Variants in ACOT11 observed in about 807,000 individuals in gnomAD.
ACOT11 encodes acyl-coenzyme A thioesterase 11.
A neutral mutation model predicts 77.5 loss-of-function variants in ACOT11; 69 were observed. That is an observed-to-expected ratio of 0.89 (90% confidence interval 0.73 to 1.09). ACOT11 has a LOEUF of 1.09. ACOT11 is among the 50% of genes least tolerant of loss of function. The pLI is 0.00. For missense variants in ACOT11, 766 were observed against 813.7 expected (o/e 0.94, Z 0.71); for synonymous variants, 279 against 313.0 (o/e 0.89, Z 1.15).
downstream of ACOT11, chr1:54,610,348 G>A (rs2101013097): frequency 1.9e-6 from 3 of 1,581,710 alleles, no homozygotes; most frequent in Non-Finnish European, 2.6e-6. Flanking sequence ...GGCGGTACCT[G>A]CCCCAAGCAA....
intron 15 of ACOT11, among the ~76,000 whole-genome samples, chr1:54,623,767 G>A (rs1025448444): frequency 3.9e-5 from 6 of 152,204 alleles, no homozygotes; most frequent in African/African-American, 1.4e-4. Context: ...CTTTTCTGGA[G>A]TCCTGGAGCA....
Position 54,629,087 on chromosome 1 carries a change from A to G in ACOT11, c.1630-1647A>G, listed in dbSNP as rs1326886241. Among the ~76,000 whole-genome samples, 4 of 128,480 alleles carry G rather than the reference A, an allele frequency of 3.1e-5. 1 individual carries two copies. The highest frequency in any genetic ancestry group is 7.0e-5 in the Non-Finnish European group (4 of 57,280). The allele number at this position is 128,480 out of a possible 152,430, so 84.3% of individuals were successfully genotyped here. On this transcript the variant is annotated intron_variant, in intron 15 of 16. Coordinates refer to the ACOT11 transcript ENST00000371316. Reference sequence around the variant, plus strand: ...AAAAAAAAAAAAAAAAAGAAGAAGAACACAGCTTTAATCCAGGCCTCAAGG... The same window carrying G: ...AAAAAAAAAAAAAAAAAGAAGAAGAGCACAGCTTTAATCCAGGCCTCAAGG...
chr1:54,582,921 C>T (rs1654362815), intron 1 of ACOT11, among the ~76,000 whole-genome samples: 2 of 152,074 alleles, frequency 1.3e-5, no homozygotes, highest in African/African-American at 4.8e-5. Context: ...AATTTCTTCC[C>T]AATACCCCTG....
intron 1 of ACOT11, among the ~76,000 whole-genome samples, chr1:54,557,391 CAAAAA>C (rs71045195): frequency 1.0e-5 from 1 of 98,252 alleles, no homozygotes; most frequent in Non-Finnish European, 2.1e-5. Context: ...GATTCCATCT[CAAAAA>C]AAAAAAAAAA....
intron 15 of ACOT11, among the ~76,000 whole-genome samples, chr1:54,625,477 C>G (rs12049215): frequency 6.6e-6 from 1 of 152,276 alleles, no homozygotes; most frequent in East Asian, 1.9e-4. Context: ...TCACCCAGAT[C>G]CCTTCTGTAA....
chr1:54,626,726 T>C (rs1644274831), intron 15 of ACOT11, among the ~76,000 whole-genome samples: 1 of 135,546 alleles, frequency 7.4e-6, no homozygotes, highest in East Asian at 2.3e-4. Flanking sequence ...GCTGGACAAA[T>C]CTATTTTTGA....
At chr1:54,561,519 G>A (rs1350292098) in intron 1 of ACOT11, among the ~76,000 whole-genome samples, 7 of 110,646 alleles carry the variant, frequency 6.3e-5, no homozygotes, top group African/African-American at 2.1e-4. Flanking sequence ...CACAGACACG[G>A]CAACCATCCG....
chr1:54,619,913 G>C (rs1644212839), intron 15 of ACOT11: 3 of 1,614,068 alleles, frequency 1.9e-6, no homozygotes, highest in Non-Finnish European at 2.5e-6. Context: ...CGTGGTACCA[G>C]GTGACCTCCA....
At chr1:54,550,940 G>T (rs999053356) in intron 1 of ACOT11, among the ~76,000 whole-genome samples, 7 of 151,662 alleles carry the variant, frequency 4.6e-5, no homozygotes, top group Admixed American at 3.3e-4. Flanking sequence ...AGGAGTTCGA[G>T]ACCAGCTCGG....
At chr1:54,619,552 CTTGAGGCTT>C (rs562966588) in intron 15 of ACOT11, among the ~76,000 whole-genome samples, 103 of 152,282 alleles carry the variant, frequency 6.8e-4, no homozygotes, top group Non-Finnish European at 1.2e-3. Context: ...TTTCTGGCTT[CTTGAGGCTT>C]TGAAGGTAAA....
At chr1:54,562,229 C>A (rs761287253) in intron 1 of ACOT11, among the ~76,000 whole-genome samples, 987 of 96,658 alleles carry the variant, frequency 0.01, 3 homozygotes, top group South Asian at 0.027. Context: ...CTGACCCCCC[C>A]ACCTCCCTCC....
chr1:54,564,061 A>G (rs901520803), intron 1 of ACOT11, among the ~76,000 whole-genome samples: 29 of 143,680 alleles, frequency 2.0e-4, no homozygotes, highest in African/African-American at 7.2e-4. Context: ...ATGAAACTCC[A>G]TCTCAAAAAA....
intron 15 of ACOT11, among the ~76,000 whole-genome samples, chr1:54,615,573 G>A (rs1354616951): frequency 6.6e-6 from 1 of 152,028 alleles, no homozygotes; most frequent in East Asian, 1.9e-4. Flanking sequence ...ATGGGGGCAG[G>A]GTTAGGGGTT....
At chr1:54,577,024 C>A (rs747774418) in intron 1 of ACOT11, among the ~76,000 whole-genome samples, 2 of 152,118 alleles carry the variant, frequency 1.3e-5, no homozygotes, top group Admixed American at 6.5e-5. Context: ...CTGCTTTCAC[C>A]ATATCTTCCC....
chr1:54,590,969 G>T (rs1654692510), intron 3 of ACOT11, among the ~76,000 whole-genome samples: 1 of 152,086 alleles, frequency 6.6e-6, no homozygotes. Flanking sequence ...TGTTGGCCAG[G>T]CTGGTCTCGA....
At chr1:54,564,690 G>A (rs1246730311) in intron 1 of ACOT11, among the ~76,000 whole-genome samples, 2 of 152,202 alleles carry the variant, frequency 1.3e-5, no homozygotes, top group African/African-American at 2.4e-5. Flanking sequence ...ATACAGCCCC[G>A]TGAGTGGTGG....
chr1:54,603,197 C>T (rs971137827), intron 10 of ACOT11, among the ~76,000 whole-genome samples: 29 of 152,120 alleles, frequency 1.9e-4, no homozygotes, highest in Admixed American at 1.4e-3. Context: ...ATTAGCTGGG[C>T]GTGGTGGCTC....
At chr1:54,582,338 G>A (rs1654339146) in intron 1 of ACOT11, 7 of 609,064 alleles carry the variant, frequency 1.1e-5, no homozygotes, top group Admixed American at 6.3e-5. Context: ...ACTCAAGTCC[G>A]TCTCTGTTTG....
At chr1:54,623,344 C>G in intron 15 of ACOT11, 1 of 1,613,974 alleles carries the variant, frequency 6.2e-7, no homozygotes, top group South Asian at 1.1e-5. Flanking sequence ...CAGGTAATGC[C>G]GGCAAACACC....
Sources: gnomAD v4.1 joint callset for allele counts (sites outside exome capture counted in the v4.1 genomes callset) on GRCh38, gnomAD v4.1.1 for gene constraint, MANE v1.5 for transcripts, NCBI Gene and HGNC (gene_info 2026-07-23, HGNC 2026-07-21) for gene names.